The following ST6GALNAC5 variants were observed in gnomAD, a reference collection of about 807,000 sequenced individuals.
The protein encoded by ST6GALNAC5 is ST6 N-acetylgalactosaminide alpha-2,6-sialyltransferase 5, also known as alpha-N-acetylgalactosaminide alpha-2,6-sialyltransferase 5.
In ST6GALNAC5, 27 loss-of-function variants were observed where a neutral mutation model predicts 33.6. The observed-to-expected ratio is 0.80, with a 90% CI of 0.59 to 1.11. The LOEUF (loss-of-function observed/expected upper bound fraction) is 1.11, where lower values mean the gene tolerates loss of function less well. ST6GALNAC5 is among the 50% of genes least tolerant of loss of function. The pLI, the probability that ST6GALNAC5 is intolerant of heterozygous loss-of-function variation, is 0.00. For missense variants in ST6GALNAC5, 428 were observed against 454.0 expected (o/e 0.94, Z 0.52); for synonymous variants, 194 against 171.2 (o/e 1.13, Z -1.04).
intron 2 of ST6GALNAC5, among the ~76,000 whole-genome samples, chr1:76,982,231 G>A (rs1478582863): frequency 6.6e-6 from 1 of 152,144 alleles, no homozygotes; most frequent in African/African-American, 2.4e-5. Flanking sequence ...AAAGGAGTAT[G>A]TTCAAACCCA....
At chr1:77,045,847 A>G (rs148902419) in intron 3 of ST6GALNAC5, among the ~76,000 whole-genome samples, 11 of 152,254 alleles carry the variant, frequency 7.2e-5, no homozygotes, top group African/African-American at 2.6e-4. Flanking sequence ...AAGAAAGGAC[A>G]ATGAAGAATC....
chr1:76,901,572 T>A (rs573161571), intron 2 of ST6GALNAC5, among the ~76,000 whole-genome samples: 1 of 152,322 alleles, frequency 6.6e-6, no homozygotes, highest in East Asian at 1.9e-4. Flanking sequence ...AAACTGCTGA[T>A]AAATAGCAAA....
intron 2 of ST6GALNAC5, among the ~76,000 whole-genome samples, chr1:76,974,480 G>A (rs1217960890): frequency 1.3e-5 from 2 of 151,802 alleles, no homozygotes; most frequent in Non-Finnish European, 2.9e-5. Context: ...TGGGTTCCAG[G>A]CATGAGCTAC....
At chr1:76,917,144 C>T (rs1352089965) in intron 2 of ST6GALNAC5, among the ~76,000 whole-genome samples, 2 of 152,090 alleles carry the variant, frequency 1.3e-5, no homozygotes, top group Admixed American at 6.6e-5. Flanking sequence ...CATTATTTCA[C>T]CCTGCTTTGA....
In ST6GALNAC5 at chr1:77,004,247, T is replaced by C. The variant is rs1383343863; in HGVS notation, c.262-39957T>C. On this transcript the variant is annotated intron_variant, in intron 2 of 4. Coordinates refer to ENST00000477717, the MANE Select transcript of ST6GALNAC5 (RefSeq NM_030965.3). ...CTCACTTCATTTCATTCATTTCATC[T>C]TCCATCGCTGATACCCTTTCTTCCA... Among the ~76,000 whole-genome samples, 295 of 151,062 alleles carry C rather than the reference T, an allele frequency of 2.0e-3. 1 individual carries two copies. The highest frequency in any genetic ancestry group is 6.8e-3 in the African/African-American group (281 of 41,466).
intron 2 of ST6GALNAC5, among the ~76,000 whole-genome samples, chr1:76,914,504 T>C (rs562593140): frequency 1.4e-4 from 21 of 152,242 alleles, no homozygotes; most frequent in Non-Finnish European, 2.6e-4. Flanking sequence ...TATAGATCAA[T>C]GGAACACAAC....
chr1:77,045,613 G>T (rs1557773136), intron 3 of ST6GALNAC5, among the ~76,000 whole-genome samples: 1 of 152,178 alleles, frequency 6.6e-6, no homozygotes, highest in East Asian at 1.9e-4. Flanking sequence ...TTCTCAAAAA[G>T]ATGTACATAA....
intron 2 of ST6GALNAC5, among the ~76,000 whole-genome samples, chr1:76,928,379 A>G (rs1647105288): frequency 6.6e-6 from 1 of 152,126 alleles, no homozygotes; most frequent in Non-Finnish European, 1.5e-5. Context: ...TGTGGCTTTT[A>G]ATAAAAGGAA....
At position 77,007,579 on chromosome 1, in the gene ST6GALNAC5, G is replaced by C. The variant is rs144252644; in HGVS notation, c.262-36625G>C. ...TCATTGTTTAAAGAGGAAGAAGTTT[G>C]AAGAATGTTCTTTATTCCCTATTCT... On this transcript the variant is annotated intron_variant, in intron 2 of 4. Coordinates refer to ENST00000477717, the MANE Select transcript of ST6GALNAC5 (RefSeq NM_030965.3). Among the ~76,000 whole-genome samples the C allele has an allele frequency of 1.9e-4, 29 of 152,310 alleles. 1 individual carries two copies. The highest frequency in any genetic ancestry group is 7.0e-4 in the African/African-American group (29 of 41,568).
chr1:76,914,772 T>C (rs1258074774), intron 2 of ST6GALNAC5, among the ~76,000 whole-genome samples: 1 of 152,162 alleles, frequency 6.6e-6, no homozygotes, highest in Non-Finnish European at 1.5e-5. Context: ...ATTCAGGACA[T>C]AGGCATGGGC....
At chr1:76,971,665 C>T (rs1436455716) in intron 2 of ST6GALNAC5, among the ~76,000 whole-genome samples, 3 of 152,018 alleles carry the variant, frequency 2.0e-5, no homozygotes, top group Non-Finnish European at 4.4e-5. Context: ...ATCATATACT[C>T]TTTCAGAATA....
At position 76,868,665 on chromosome 1, in the gene ST6GALNAC5, A is replaced by G; in HGVS notation, c.184A>G (p.Ser62Gly). Residue 62 changes from serine to glycine, a missense_variant, in exon 2 of 5, where the codon AGC (serine) becomes GGC (glycine). By Grantham distance (56) the Ser-to-Gly change is moderately conservative. Coordinates refer to ENST00000477717, the MANE Select transcript of ST6GALNAC5 (RefSeq NM_030965.3). The surrounding 1 kb of genome is among the most constrained non-coding windows in gnomAD (Gnocchi z 4.3). ...CGGCAGCTCGCAGCCGGCGGCGGAG[A>G]GCAGCACCCAGCAGCGCCCCGGGGT... is the stretch of plus-strand genomic sequence containing the variant. ...ATGSSQPAAE[S>G]STQQRPGVPA... 6.4e-7 allele frequency: 1 copy of G among 1,573,424 alleles called. No individual in the cohort carries two copies. The highest frequency in any genetic ancestry group is 1.8e-5 in the Admixed American group (1 of 54,568).
At chr1:76,987,299 C>G (rs1365947132) in intron 2 of ST6GALNAC5, among the ~76,000 whole-genome samples, 1 of 152,024 alleles carries the variant, frequency 6.6e-6, no homozygotes, top group Non-Finnish European at 1.5e-5. Context: ...CAACATTTCT[C>G]CAAAGAAGAT....
At chr1:76,921,504 A>G (rs1305422219) in intron 2 of ST6GALNAC5, among the ~76,000 whole-genome samples, 1 of 152,188 alleles carries the variant, frequency 6.6e-6, no homozygotes, top group African/African-American at 2.4e-5. Flanking sequence ...AATCACCAAT[A>G]GCAATAATAA....
At chr1:76,997,658 T>C (rs2100404084) in intron 2 of ST6GALNAC5, among the ~76,000 whole-genome samples, 1 of 152,320 alleles carries the variant, frequency 6.6e-6, no homozygotes, top group South Asian at 2.1e-4. Context: ...ATGTCTATAG[T>C]TCAGGTTATA....
intron 2 of ST6GALNAC5, among the ~76,000 whole-genome samples, chr1:76,985,386 A>T (rs1228684573): frequency 6.6e-6 from 1 of 152,224 alleles, no homozygotes; most frequent in African/African-American, 2.4e-5. Flanking sequence ...AGAGAGCCAA[A>T]TCATGAGTGA....
At chr1:76,941,634 A>G (rs1168763045) in intron 2 of ST6GALNAC5, among the ~76,000 whole-genome samples, 1 of 152,142 alleles carries the variant, frequency 6.6e-6, no homozygotes, top group Non-Finnish European at 1.5e-5. Flanking sequence ...AGACAGAAGA[A>G]GACATGGATA....
chr1:77,030,265 G>A lies in ST6GALNAC5; in HGVS notation c.262-13939G>A, dbSNP rs116492679. Among the ~76,000 whole-genome samples the A allele has an allele frequency of 4.3e-3, 652 of 152,278 alleles. 3 individuals carry two copies. Among genetic ancestry groups the A allele is most frequent in the African/African-American group, 0.014 (598 of 41,552 alleles). On this transcript the variant is annotated intron_variant, in intron 2 of 4. Coordinates refer to ENST00000477717, the MANE Select transcript of ST6GALNAC5 (RefSeq NM_030965.3). The stretch of plus-strand genomic sequence containing the variant: ...TGTTTTGCATATTATGGTGGAAAGA[G>A]CAGGCACACATGTGGGAGTGGCTTT...
At chr1:76,930,778 A>G (rs1424508297) in intron 2 of ST6GALNAC5, among the ~76,000 whole-genome samples, 1 of 152,186 alleles carries the variant, frequency 6.6e-6, no homozygotes, top group Non-Finnish European at 1.5e-5. Flanking sequence ...AGACACCTCC[A>G]TGTATTCATG....
Sources: gnomAD v4.1 joint callset for allele counts (sites outside exome capture counted in the v4.1 genomes callset) on GRCh38, gnomAD v4.1.1 for gene constraint, Gnocchi (gnomAD v3.1) non-coding constraint, MANE v1.5 for transcripts, NCBI Gene and HGNC (gene_info 2026-07-23, HGNC 2026-07-21) for gene names.